GPHN: variants seen among roughly 807,000 people sequenced by gnomAD.
GPHN encodes the protein gephyrin.
A neutral mutation model predicts 95.5 loss-of-function variants in GPHN; 17 were observed. That is an observed-to-expected ratio of 0.18 (90% CI 0.12 to 0.27). GPHN has a LOEUF of 0.27. Ranked by LOEUF, GPHN falls within the 10% of genes least tolerant of loss-of-function variation. The probability of loss-of-function intolerance (pLI) is 1.00; values close to 1 mark genes in which losing one functional copy is unlikely to be tolerated. For missense variants in GPHN, 660 were observed against 978.1 expected (o/e 0.67, Z 4.34); for synonymous variants, 320 against 322.5 (o/e 0.99, Z 0.08).
At chr14:67,192,541 A>G in the GPHN span, among the ~76,000 whole-genome samples, 1 of 151,634 alleles carries the variant, frequency 6.6e-6, no homozygotes, top group Non-Finnish European at 1.5e-5. Flanking sequence ...GAGAAGGCAA[A>G]GCAGAGTGCA....
At chr14:67,383,354 A>G in the GPHN span, 1 of 1,613,742 alleles carries the variant, frequency 6.2e-7, no homozygotes, top group Non-Finnish European at 8.5e-7. Flanking sequence ...TGAACTTGCG[A>G]GGCAGATGGA....
At chr14:66,605,173 T>G (rs1421004607) in intron 1 of GPHN, among the ~76,000 whole-genome samples, 1 of 152,154 alleles carries the variant, frequency 6.6e-6, no homozygotes, top group Non-Finnish European at 1.5e-5. Context: ...TCGGTGCATA[T>G]GTCTTTTTTT....
chr14:66,699,341 A>T (rs1025665922), intron 2 of GPHN, among the ~76,000 whole-genome samples: 7 of 151,990 alleles, frequency 4.6e-5, no homozygotes, highest in Non-Finnish European at 7.4e-5. Flanking sequence ...CCTAAAACTT[A>T]AAGTATAATA....
the GPHN span, among the ~76,000 whole-genome samples, chr14:67,576,688 C>G: frequency 1.3e-5 from 2 of 152,218 alleles, no homozygotes; most frequent in Non-Finnish European, 2.9e-5. This position sits in a 1 kb window ranked among gnomAD's most constrained non-coding sequence, Gnocchi z 4.0. Flanking sequence ...AAGGTGACCA[C>G]TCTGCATCTG....
the GPHN span, chr14:67,650,603 T>C: frequency 1.1e-6 from 1 of 940,212 alleles, no homozygotes; most frequent in African/African-American, 1.6e-5. Context: ...TTTTCTACTA[T>C]AAAATGGACT....
At chr14:66,572,132 G>A (rs1223860476) in intron 1 of GPHN, among the ~76,000 whole-genome samples, 4 of 152,164 alleles carry the variant, frequency 2.6e-5, no homozygotes, top group Non-Finnish European at 5.9e-5. Flanking sequence ...TTTTGTGCCA[G>A]TACCATGCTG....
chr14:66,890,850 T>C (rs1035262618), intron 5 of GPHN, among the ~76,000 whole-genome samples: 1 of 151,036 alleles, frequency 6.6e-6, no homozygotes, highest in African/African-American at 2.4e-5. Context: ...TCAGCATCAA[T>C]GGGTGCTGAA....
the GPHN span, chr14:67,645,638 T>C: frequency 2.5e-6 from 4 of 1,612,152 alleles, no homozygotes; most frequent in Non-Finnish European, 3.4e-6. Context: ...ACTTGTTCTT[T>C]GCAGCCTGGC....
At chr14:67,454,365 A>C in the GPHN span, 1 of 152,290 alleles carries the variant, frequency 6.6e-6, no homozygotes, top group East Asian at 1.9e-4. Flanking sequence ...TCCTCCTTGA[A>C]ACTGTCATCC....
intron 3 of GPHN, among the ~76,000 whole-genome samples, chr14:66,792,896 CT>C (rs2153472526): frequency 6.6e-6 from 1 of 152,364 alleles, no homozygotes; most frequent in African/African-American, 2.4e-5. Flanking sequence ...AAAAGTATCC[CT>C]TATGGGAAAC....
At chr14:67,646,791 C>T in the GPHN span, 11 of 1,507,378 alleles carry the variant, frequency 7.3e-6, no homozygotes, top group East Asian at 2.3e-5. Context: ...CAATTATGTT[C>T]TATTTGAAAG....
At chr14:66,758,555 C>G (rs1231822546) in intron 2 of GPHN, among the ~76,000 whole-genome samples, 1 of 152,000 alleles carries the variant, frequency 6.6e-6, no homozygotes, top group Non-Finnish European at 1.5e-5. Context: ...AAGAGAGAAA[C>G]TGGGTTATTA....
At chr14:67,549,171 C>A in the GPHN span, among the ~76,000 whole-genome samples, 1 of 152,024 alleles carries the variant, frequency 6.6e-6, no homozygotes, top group African/African-American at 2.4e-5. Flanking sequence ...CTTAGCAGGT[C>A]TTTGTGCTCA....
chr14:67,563,750 T>C, the GPHN span, among the ~76,000 whole-genome samples: 8 of 102,164 alleles, frequency 7.8e-5, no homozygotes, highest in South Asian at 3.2e-4. Flanking sequence ...TTTTTTTTTT[T>C]CGAGACAGAG....
At chr14:67,510,874 C>T in the GPHN span, among the ~76,000 whole-genome samples, 1 of 152,184 alleles carries the variant, frequency 6.6e-6, no homozygotes, top group African/African-American at 2.4e-5. Flanking sequence ...GCAAGGTGGG[C>T]TTCTCGCTGC....
At chr14:66,713,611 G>A (rs2069878245) in intron 2 of GPHN, among the ~76,000 whole-genome samples, 2 of 151,986 alleles carry the variant, frequency 1.3e-5, no homozygotes, top group East Asian at 3.9e-4. Flanking sequence ...CTTTGGCTAT[G>A]CGGGCTCTTT....
At chr14:66,952,746 G>C (rs763890056) in intron 8 of GPHN, among the ~76,000 whole-genome samples, 32 of 152,098 alleles carry the variant, frequency 2.1e-4, no homozygotes, top group Admixed American at 1.8e-3. Flanking sequence ...CCAGGCTGGT[G>C]TGCAGTGGCC....
intron 9 of GPHN, among the ~76,000 whole-genome samples, chr14:67,005,364 A>G (rs536066152): frequency 2.0e-5 from 3 of 151,978 alleles, no homozygotes; most frequent in East Asian, 1.9e-4. Flanking sequence ...AAGAATTTAC[A>G]TTTTTATTCT....
the GPHN span, among the ~76,000 whole-genome samples, chr14:67,601,349 C>T: frequency 0.99 from 151,123 of 152,224 alleles, 75,019 homozygotes; most frequent in Middle Eastern, 1. Flanking sequence ...CAGTTGGAAG[C>T]TGGGGAGGCA....
Sources: gnomAD v4.1 joint callset for allele counts (sites outside exome capture counted in the v4.1 genomes callset) on GRCh38, gnomAD v4.1.1 for gene constraint, Gnocchi (gnomAD v3.1) non-coding constraint, MANE v1.5 for transcripts, NCBI Gene and HGNC (gene_info 2026-07-23, HGNC 2026-07-21) for gene names.